The following SLC2A13 variants were observed in gnomAD, a reference collection of about 807,000 sequenced individuals.
SLC2A13 encodes proton myo-inositol cotransporter.
In SLC2A13, 32 loss-of-function variants were observed where a neutral mutation model predicts 64.4. That is an observed-to-expected ratio of 0.50 (90% CI 0.37 to 0.67). The LOEUF is 0.67. SLC2A13 is among the 30% of genes least tolerant of loss of function. SLC2A13 has a pLI of 0.00. For synonymous variants in SLC2A13, 338 were observed against 327.1 expected (o/e 1.03, Z -0.36); for missense variants, 743 against 829.2 (o/e 0.90, Z 1.28).
intron 4 of SLC2A13, among the ~76,000 whole-genome samples, chr12:39,918,816 G>T (rs1301885827): frequency 6.7e-6 from 1 of 148,626 alleles, no homozygotes; most frequent in African/African-American, 2.5e-5. Flanking sequence ...TCATGCCACT[G>T]CACTCCAGCC....
At chr12:39,794,077 T>TAGC (rs764644818) in intron 7 of SLC2A13, among the ~76,000 whole-genome samples, 2 of 131,204 alleles carry the variant, frequency 1.5e-5, no homozygotes, top group Non-Finnish European at 3.1e-5. Context: ...TCTTTTGAGC[T>TAGC]AGCAATTCCT....
At chr12:40,005,393 A>C (rs1481863940) in intron 3 of SLC2A13, among the ~76,000 whole-genome samples, 1 of 152,140 alleles carries the variant, frequency 6.6e-6, no homozygotes, top group Admixed American at 6.5e-5. Context: ...AGTAATGCTT[A>C]ATGATAGCTT....
intron 3 of SLC2A13, among the ~76,000 whole-genome samples, chr12:39,959,997 C>G (rs1049997762): frequency 6.6e-6 from 1 of 152,118 alleles, no homozygotes; most frequent in African/African-American, 2.4e-5. Flanking sequence ...CAGACAGGCC[C>G]CAGTGTGTGT....
chr12:39,796,176 GT>G (rs1196124131), intron 7 of SLC2A13, among the ~76,000 whole-genome samples: 1 of 152,094 alleles, frequency 6.6e-6, no homozygotes, highest in African/African-American at 2.4e-5. Context: ...TGTTTCCAAG[GT>G]TATGCATGGC....
At chr12:39,858,824 T>C (rs1339910055) in intron 6 of SLC2A13, among the ~76,000 whole-genome samples, 1 of 152,188 alleles carries the variant, frequency 6.6e-6, no homozygotes, top group Non-Finnish European at 1.5e-5. Flanking sequence ...GCCAGACTGG[T>C]CTCGAACTCC....
At chr12:40,010,454 C>G (rs1032045195) in intron 3 of SLC2A13, among the ~76,000 whole-genome samples, 1 of 151,264 alleles carries the variant, frequency 6.6e-6, no homozygotes, top group Non-Finnish European at 1.5e-5. Context: ...CTTTTTTTTT[C>G]TGAGCCTGGA....
chr12:39,903,894 A>G (rs1318571300), intron 4 of SLC2A13, among the ~76,000 whole-genome samples: 3 of 152,130 alleles, frequency 2.0e-5, no homozygotes, highest in African/African-American at 7.2e-5. Context: ...GAAGCAGCCT[A>G]TCAAACTGGA....
At chr12:39,963,740 AT>A (rs1946456437) in intron 3 of SLC2A13, among the ~76,000 whole-genome samples, 1 of 152,214 alleles carries the variant, frequency 6.6e-6, no homozygotes, top group South Asian at 2.1e-4. Flanking sequence ...AAGAAACTGT[AT>A]TTGTATAGAT....
Position 39,764,771 on chromosome 12 carries a change from C to T in SLC2A13, c.1533G>A (p.Leu511=). Residue 511 remains leucine (L), a synonymous_variant, in exon 8 of 10, where the codon CTG becomes CTA. Transcript: ENST00000280871. ...AGAAGACAAGATATAAAATAAGGCC[C>T]AGAAGTGCAGTCCAGGAGTATGGAG... ...CPTPYSWTAL[L]GLILYLVFFA... is the part of the protein sequence containing the mutation. 1.2e-6 allele frequency: 2 copies of T among 1,612,752 alleles called. No individual in the cohort carries two copies. Among genetic ancestry groups the T allele is most frequent in the Non-Finnish European group, 8.5e-7 (1 of 1,179,300 alleles).
chr12:40,072,617 T>C (rs1268533336), intron 1 of SLC2A13, among the ~76,000 whole-genome samples: 1 of 152,156 alleles, frequency 6.6e-6, no homozygotes, highest in African/African-American at 2.4e-5. Flanking sequence ...TTTACCATTA[T>C]AGAACTCATG....
intron 4 of SLC2A13, among the ~76,000 whole-genome samples, chr12:39,895,355 T>G (rs1363825041): frequency 6.6e-6 from 1 of 151,076 alleles, no homozygotes; most frequent in Non-Finnish European, 1.5e-5. Flanking sequence ...CCGGGCTTGG[T>G]GGCAGGCACC....
chr12:39,768,180 A>G (rs7133037), intron 7 of SLC2A13, among the ~76,000 whole-genome samples: 149,138 of 152,212 alleles, frequency 0.98, 73,075 homozygotes, highest in East Asian at 1. Flanking sequence ...CTTTTCTTCT[A>G]CAGCTTCCTC....
chr12:39,944,387 A>G (rs1946099901), intron 4 of SLC2A13, among the ~76,000 whole-genome samples: 2 of 152,176 alleles, frequency 1.3e-5, no homozygotes, highest in African/African-American at 4.8e-5. Flanking sequence ...GTTTAAATCC[A>G]CTGTTTCTTT....
intron 4 of SLC2A13, among the ~76,000 whole-genome samples, chr12:39,896,083 C>CAT (rs145743460): frequency 0.98 from 141,993 of 145,108 alleles, 69,487 homozygotes; most frequent in Non-Finnish European, 1. Flanking sequence ...TACACGTGTA[C>CAT]ATATATGTAT....
intron 4 of SLC2A13, among the ~76,000 whole-genome samples, chr12:39,886,901 A>G (rs1944477873): frequency 6.6e-6 from 1 of 152,210 alleles, no homozygotes; most frequent in South Asian, 2.1e-4. Context: ...AATGCCAAGT[A>G]GTGTCCAGAT....
At chr12:39,839,349 G>A (rs894582218) in intron 6 of SLC2A13, among the ~76,000 whole-genome samples, 2 of 151,848 alleles carry the variant, frequency 1.3e-5, no homozygotes, top group African/African-American at 4.8e-5. Flanking sequence ...CATGTAAGTA[G>A]GAAACTCATG....
intron 3 of SLC2A13, 21 bp from the exon 4 acceptor site, chr12:39,951,386 A>AC: frequency 6.4e-7 from 1 of 1,554,188 alleles, no homozygotes; most frequent in Non-Finnish European, 8.7e-7. Flanking sequence ...AAAGAAAGAA[A>AC]AAAAAAATAC....
At chr12:39,928,044 T>C (rs6581439) in intron 4 of SLC2A13, among the ~76,000 whole-genome samples, 131,356 of 152,196 alleles carry the variant, frequency 0.86, 56,758 homozygotes, top group East Asian at 1. Context: ...TTTCCGATAT[T>C]AAAGTCCTGA....
At chr12:39,763,120 A>G (rs755331531) in intron 9 of SLC2A13, among the ~76,000 whole-genome samples, 51 of 152,186 alleles carry the variant, frequency 3.4e-4, no homozygotes, top group Non-Finnish European at 6.5e-4. Context: ...TTGTGCTCGT[A>G]TTTATTATGT....
Sources: allele counts gnomAD v4.1 joint callset (sites outside exome capture counted in the v4.1 genomes callset), GRCh38; gene constraint gnomAD v4.1.1; transcripts MANE v1.5; gene names NCBI Gene and HGNC (gene_info 2026-07-23, HGNC 2026-07-21).